Variants in EPHB1 observed in about 807,000 individuals in gnomAD.
The protein encoded by EPHB1 is EPH receptor B1, also known as ephrin type-B receptor 1.
A neutral mutation model predicts 94.4 loss-of-function variants in EPHB1; 30 were observed. The ratio of observed to expected loss-of-function variants is 0.32; its 90% CI spans 0.24 to 0.43. EPHB1 has a LOEUF of 0.43. Ranked by LOEUF, EPHB1 falls within the 20% of genes least tolerant of loss-of-function variation. The probability of loss-of-function intolerance (pLI) is 1.00; values close to 1 mark genes in which losing one functional copy is unlikely to be tolerated. For synonymous variants in EPHB1, 522 were observed against 489.1 expected, an observed-to-expected ratio of 1.07 and a Z score of -0.89; for missense variants, 1,055 against 1,308.3, an observed-to-expected ratio of 0.81 and a Z score of 2.99.
chr3:134,903,934 C>A (rs1207885860), intron 1 of EPHB1, among the ~76,000 whole-genome samples: 1 of 152,140 alleles, frequency 6.6e-6, no homozygotes, highest in Non-Finnish European at 1.5e-5. Context: ...CATTTCAGGC[C>A]CTAATTGGTT....
intron 1 of EPHB1, among the ~76,000 whole-genome samples, chr3:134,805,075 C>T (rs1180498758): frequency 6.6e-6 from 1 of 152,204 alleles, no homozygotes; most frequent in Non-Finnish European, 1.5e-5. Context: ...CCTTGGCTTT[C>T]TCATTGACGC....
chr3:135,203,880 G>A lies in EPHB1; in HGVS notation c.2346+2191G>A, dbSNP rs577422401. Among the ~76,000 whole-genome samples, 46 of 152,224 alleles carry A rather than the reference G, an allele frequency of 3.0e-4. No individual in the cohort carries two copies. In the East Asian group the frequency reaches 7.9e-3, roughly 26 times the overall value. Reference sequence around the variant, plus strand: ...CACTCTACCAGGAGTGTATGGTGCCGGGCTTCAGCATCCTCACCAGGCCTG... The same window carrying A: ...CACTCTACCAGGAGTGTATGGTGCCAGGCTTCAGCATCCTCACCAGGCCTG... On this transcript the variant is annotated intron_variant, in intron 12 of 15. Transcript: ENST00000398015.
At chr3:135,170,031 C>A (rs1941762112) in intron 9 of EPHB1, among the ~76,000 whole-genome samples, 1 of 152,224 alleles carries the variant, frequency 6.6e-6, no homozygotes, top group South Asian at 2.1e-4. Flanking sequence ...CATCCACAGG[C>A]ATGAACTTCT....
At chr3:134,900,199 A>G (rs1413115760) in intron 1 of EPHB1, among the ~76,000 whole-genome samples, 2 of 152,190 alleles carry the variant, frequency 1.3e-5, no homozygotes, top group Non-Finnish European at 2.9e-5. Context: ...TTGTGCTCAG[A>G]CATGATGACT....
At chr3:134,882,806 C>CTTTCTTTCTTTCTTTCTTTTCTTTCT (rs2037780384) in intron 1 of EPHB1, among the ~76,000 whole-genome samples, 1 of 80,840 alleles carries the variant, frequency 1.2e-5, no homozygotes, top group Non-Finnish European at 2.6e-5. Flanking sequence ...TTCTTTCTTT[C>CTTTCTTTCTTTCTTTCTTTTCTTTCT]TTTCTTTCTT....
chr3:135,218,674 A>G (rs1304446057), intron 12 of EPHB1, among the ~76,000 whole-genome samples: 1 of 152,250 alleles, frequency 6.6e-6, no homozygotes, highest in African/African-American at 2.4e-5. Flanking sequence ...TCTCCTAGCC[A>G]ATACATATTT....
At chr3:134,873,020 A>C (rs2037534697) in intron 1 of EPHB1, among the ~76,000 whole-genome samples, 1 of 152,220 alleles carries the variant, frequency 6.6e-6, no homozygotes, top group African/African-American at 2.4e-5. Context: ...GCCACAATTC[A>C]CACAGTGACA....
chr3:134,983,972 A>G (rs1934506138), intron 3 of EPHB1, among the ~76,000 whole-genome samples: 1 of 152,208 alleles, frequency 6.6e-6, no homozygotes, highest in Non-Finnish European at 1.5e-5. Context: ...GTGGAACTCC[A>G]GGGTACCTCA....
At chr3:135,245,310 A>G (rs567417935) in intron 13 of EPHB1, among the ~76,000 whole-genome samples, 2 of 152,170 alleles carry the variant, frequency 1.3e-5, no homozygotes, top group Non-Finnish European at 2.9e-5. Context: ...TCTATAGGTA[A>G]TAAGAAATGG....
intron 3 of EPHB1, among the ~76,000 whole-genome samples, chr3:134,991,761 G>GCAC (rs1388814495): frequency 1.1e-4 from 16 of 152,062 alleles, no homozygotes; most frequent in Admixed American, 1.3e-4. Flanking sequence ...TGCCTGGATT[G>GCAC]CACCTCCCTT....
intron 1 of EPHB1, among the ~76,000 whole-genome samples, chr3:134,877,611 G>A (rs199802460): frequency 6.6e-6 from 1 of 152,180 alleles, no homozygotes; most frequent in South Asian, 2.1e-4. Context: ...TGACAACAAA[G>A]AAACTAGGTT....
At chr3:135,077,647 G>A (rs1234390604) in intron 3 of EPHB1, among the ~76,000 whole-genome samples, 1 of 152,176 alleles carries the variant, frequency 6.6e-6, no homozygotes, top group African/African-American at 2.4e-5. Context: ...AACAACATGT[G>A]GGACATGGGT....
chr3:135,176,999 C>A (rs1286621247), intron 9 of EPHB1, among the ~76,000 whole-genome samples: 1 of 152,144 alleles, frequency 6.6e-6, no homozygotes, highest in Non-Finnish European at 1.5e-5. Context: ...TTCCTACCTC[C>A]CCAAACACTT....
chr3:134,887,365 A>G (rs2037881995), intron 1 of EPHB1, among the ~76,000 whole-genome samples: 1 of 152,210 alleles, frequency 6.6e-6, no homozygotes, highest in Non-Finnish European at 1.5e-5. Context: ...TCACTTTCAC[A>G]TATGCTATTG....
At chr3:134,946,484 A>G (rs1267470504) in intron 2 of EPHB1, among the ~76,000 whole-genome samples, 1 of 152,080 alleles carries the variant, frequency 6.6e-6, no homozygotes, top group Admixed American at 6.5e-5. Flanking sequence ...CTCTGCTCCT[A>G]TTCTGCTCCC....
chr3:134,888,468 G>A (rs1247987831), intron 1 of EPHB1, among the ~76,000 whole-genome samples: 1 of 152,158 alleles, frequency 6.6e-6, no homozygotes, highest in East Asian at 1.9e-4. Context: ...CCAGCACTTT[G>A]GGAGGCAGAG....
At chr3:134,873,788 T>C (rs1185962270) in intron 1 of EPHB1, among the ~76,000 whole-genome samples, 1 of 152,208 alleles carries the variant, frequency 6.6e-6, no homozygotes, top group Non-Finnish European at 1.5e-5. Flanking sequence ...TTTAGGGCAA[T>C]GGAGGGGTCT....
intron 1 of EPHB1, among the ~76,000 whole-genome samples, chr3:134,845,159 A>G (rs2036849327): frequency 6.6e-6 from 1 of 152,264 alleles, no homozygotes; most frequent in Non-Finnish European, 1.5e-5. Context: ...ATTGATCCTT[A>G]GTTTCTCATT....
intron 3 of EPHB1, among the ~76,000 whole-genome samples, chr3:135,052,601 C>A (rs1429117840): frequency 6.6e-6 from 1 of 151,636 alleles, no homozygotes; most frequent in African/African-American, 2.4e-5. Flanking sequence ...GTGGCTCACA[C>A]CTGTAATCCC....
Sources: allele counts gnomAD v4.1 joint callset (sites outside exome capture counted in the v4.1 genomes callset), GRCh38; gene constraint gnomAD v4.1.1; transcripts MANE v1.5; gene names NCBI Gene and HGNC (gene_info 2026-07-23, HGNC 2026-07-21).